Variants in TMC6 observed in about 807,000 individuals in gnomAD.
The protein encoded by TMC6 is transmembrane channel-like protein 6.
TMC6 carries 71 observed loss-of-function variants against 95.4 expected under a neutral mutation model. That is an observed-to-expected ratio of 0.74 (90% CI 0.61 to 0.91). TMC6 has a LOEUF of 0.91. Among genes scored for constraint, TMC6 ranks in the 40% least tolerant of loss-of-function variants. The probability of loss-of-function intolerance (pLI) is 0.00; values close to 1 mark genes in which losing one functional copy is unlikely to be tolerated. For missense variants in TMC6, 1,074 were observed against 1,079.1 expected, an observed-to-expected ratio of 1.00 and a Z score of 0.07; for synonymous variants, 514 against 483.1, an observed-to-expected ratio of 1.06 and a Z score of -0.84.
chr17:78,116,555 G>A (rs2074127241), intron 18 of TMC6, among the ~76,000 whole-genome samples: 1 of 152,012 alleles, frequency 6.6e-6, no homozygotes. Flanking sequence ...CTATAGGCAT[G>A]AGCCCCACCA....
chr17:78,131,389 C>A, upstream of TMC6: 3 of 694,352 alleles, frequency 4.3e-6, no homozygotes, highest in South Asian at 1.8e-5. Context: ...CCGGAGGTGG[C>A]AGAGCGGCAG....
Position 78,115,287 on chromosome 17 carries a change from C to T in TMC6, c.2278-1663G>A, listed in dbSNP as rs3794740. On this transcript the variant is annotated intron_variant, in intron 18 of 19. Transcript: ENST00000590602. The stretch of plus-strand genomic sequence containing the variant: ...CACTGGCTGCACCCCGCCCTGCCCT[C>T]GCCTTGGCAGACGCCAGCCGCTGAT... Among the ~76,000 whole-genome samples the T allele has an allele frequency of 3.7e-4, 56 of 152,332 alleles. No individual in the cohort carries two copies. The East Asian group carries it at 6.6e-3, about 18-fold the overall frequency.
rs2074462703 is a variant in TMC6, at chr17:78,122,464, C to T, written c.1227+141G>A. The T allele has an allele frequency of 2.3e-6, 3 of 1,303,598 alleles. No individual in the cohort carries two copies. Among genetic ancestry groups the T allele is most frequent in the Non-Finnish European group, 3.1e-6 (3 of 957,356 alleles). The allele number at this position is 1,303,598 out of a possible 1,614,324, so 80.8% of individuals were successfully genotyped here. On this transcript the variant is annotated intron_variant, in intron 10 of 19. Transcript: ENST00000590602. This position sits in a 1 kb window ranked among gnomAD's most constrained non-coding sequence, Gnocchi z 4.9. The stretch of plus-strand genomic sequence containing the variant: ...CCGTCACTGCAAGCAGAAGACCACG[C>T]CTGCCCAGCGCCCCGAGTTCAGCTC...
At chr17:78,117,188 G>A in intron 18 of TMC6, 81 bp downstream of exon 18, 1 of 1,470,008 alleles carries the variant, frequency 6.8e-7, no homozygotes, top group Non-Finnish European at 9.5e-7. Context: ...CACAGGAGAT[G>A]TACAGGGGAG....
At chr17:78,123,929 G>A (rs774344168) in intron 9 of TMC6, 60 bp downstream of exon 9, 47 of 1,595,280 alleles carry the variant, frequency 2.9e-5, no homozygotes, top group South Asian at 4.4e-5. Flanking sequence ...TGAATGGGTC[G>A]AAAGATGAAT....
intron 13 of TMC6, among the ~76,000 whole-genome samples, 177 bp from the exon 14 acceptor site, chr17:78,119,569 C>T (rs2074306241): frequency 6.6e-6 from 1 of 152,216 alleles, no homozygotes; most frequent in Non-Finnish European, 1.5e-5. Flanking sequence ...CTTGGTCACA[C>T]CAGCCTCATC....
Position 78,121,845 on chromosome 17 carries a change from A to ATGCCCCACCTGCCC in TMC6, c.1228-148_1228-135dup. The stretch of plus-strand genomic sequence containing the variant: ...AACCAGGACAGAGGGCCAGTTCCCC[A>ATGCCCCACCTGCCC]TGCCCCACCTGCCCTTTCATCTGCT... On this transcript the variant is annotated intron_variant, in intron 10 of 19. Coordinates refer to ENST00000590602, the MANE Select transcript of TMC6 (RefSeq NM_001127198.5). The surrounding 1 kb of genome is among the most constrained non-coding windows in gnomAD (Gnocchi z 5.6). The ATGCCCCACCTGCCC allele has an allele frequency of 8.5e-7, 1 of 1,180,622 alleles. No homozygotes were observed. Among genetic ancestry groups the ATGCCCCACCTGCCC allele is most frequent in the African/African-American group, 1.5e-5 (1 of 65,184 alleles). The allele number at this position is 1,180,622 out of a possible 1,614,324, so 73.1% of individuals were successfully genotyped here. A position where few individuals can be genotyped will look rare whatever the true frequency, so the allele number is the denominator to read the frequency against.
chr17:78,113,649 G>A, intron 18 of TMC6, 25 bp from the exon 19 acceptor site: 1 of 1,611,762 alleles, frequency 6.2e-7, no homozygotes, highest in African/African-American at 1.3e-5. Flanking sequence ...ACACAAAGGG[G>A]AGGAGAAATC....
chr17:78,123,963 C>A lies in TMC6; in HGVS notation c.1082+26G>T, dbSNP rs770994731. On this transcript the variant is annotated intron_variant, in intron 9 of 19. Transcript: ENST00000590602. ...ATGGATGGATGAGTGGAGCTCGGAG[C>A]CTGGGTCATGAGGTGGAGGCATTAC... 8.1e-6 allele frequency: 13 copies of A among 1,612,928 alleles called. 1 individual carries two copies. The South Asian group carries it at 1.2e-4, about 15-fold the overall frequency.
At chr17:78,124,381 A>G in intron 8 of TMC6, 143 bp downstream of exon 8, 2 of 1,398,488 alleles carry the variant, frequency 1.4e-6, no homozygotes, top group Non-Finnish European at 2.0e-6. Context: ...ATTGAGGGGG[A>G]GGCGGGGAGC....
chr17:78,126,621 G>A lies in TMC6; in HGVS notation c.84C>T (p.Ser28=), dbSNP rs769381609. The part of the protein sequence containing the change: ...QGQGPSPYDE[S]EVHDSFQQLI... ...GCTGCTGGAAGGAGTCGTGCACTTC[G>A]CTTTCATCATAGGGGCTGGGGCCCT... The change falls in exon 3 of 20, where the codon AGC becomes AGT. Residue 28 remains serine (S), a synonymous_variant. Transcript: ENST00000590602. 41 of 1,613,418 alleles carry A rather than the reference G, an allele frequency of 2.5e-5. No individual in the cohort carries two copies. The highest frequency in any genetic ancestry group is 1.5e-4 in the African/African-American group (11 of 74,922).
rs2074399763 is a variant in TMC6 at position 78,121,249 on chromosome 17, C to G, written c.1384-85G>C. 6.5e-7 allele frequency: 1 copy of G among 1,533,984 alleles called. No individual in the cohort carries two copies. Among genetic ancestry groups the G allele is most frequent in the Non-Finnish European group, 8.7e-7 (1 of 1,143,222 alleles). On this transcript the variant is annotated intron_variant, in intron 11 of 19. Transcript: ENST00000590602. The surrounding 1 kb of genome is among the most constrained non-coding windows in gnomAD (Gnocchi z 5.6). Reference sequence around the variant, plus strand: ...CTACAGGGAAGGGCCCGGGGTGGAACTGGCAGGTAGCACCTCCCTCCTCCA... The same window carrying G: ...CTACAGGGAAGGGCCCGGGGTGGAAGTGGCAGGTAGCACCTCCCTCCTCCA...
chr17:78,125,162 G>A lies in TMC6; in HGVS notation c.532C>T (p.Leu178=), dbSNP rs199607800. 29 of 1,564,028 alleles carry A rather than the reference G, an allele frequency of 1.9e-5. No homozygotes were observed. The highest frequency in any genetic ancestry group is 2.5e-5 in the Non-Finnish European group (29 of 1,154,342). Residue 178 remains leucine (L), a synonymous_variant, in exon 6 of 20, where the codon CTG becomes TTG. Coordinates refer to ENST00000590602, the MANE Select transcript of TMC6 (RefSeq NM_001127198.5). The part of the protein sequence containing the change: ...MPLSLAEKRS[L]REKSRTPRGK... ...GTCAGGGTCGGGGCTGCTCACCGCA[G>A]GCTGCGTTTCTCAGCCAGGCTTAAG...
At chr17:78,113,355 T>C in intron 19 of TMC6, 144 bp from the exon 20 acceptor site, 10 of 1,243,930 alleles carry the variant, frequency 8.0e-6, no homozygotes, top group Non-Finnish European at 1.0e-5. Flanking sequence ...CCTGTCAAAA[T>C]GGCCAGGCTC....
chr17:78,131,965 G>T, upstream of TMC6: 2 of 1,520,928 alleles, frequency 1.3e-6, no homozygotes, highest in Non-Finnish European at 8.8e-7. Flanking sequence ...AGGCGCCTGC[G>T]GGAGGCAGCG....
At chr17:78,116,168 G>A (rs1251723368) in intron 18 of TMC6, among the ~76,000 whole-genome samples, 3 of 151,982 alleles carry the variant, frequency 2.0e-5, no homozygotes, top group African/African-American at 7.3e-5. Flanking sequence ...GTAGAGACGG[G>A]GTTTTGCCAT....
rs770364934 is a variant in TMC6, at chr17:78,124,680, C to T, written c.735G>A (p.Val245=). ...TCTTGAGAAAGAGGAAGTAGGAGAG[C>T]ACGCTGGAGCCGAACTGGCCCCCGA... is the stretch of plus-strand genomic sequence containing the variant. ...KRIGGQFGSS[V]LSYFLFLKTL... The change falls in exon 8 of 20, where the codon GTG becomes GTA. Residue 245 remains valine, a synonymous_variant. Transcript: ENST00000590602. The T allele has an allele frequency of 1.2e-6, 2 of 1,606,964 alleles. No homozygotes were observed. The highest frequency in any genetic ancestry group is 1.7e-6 in the Non-Finnish European group (2 of 1,177,130).
rs2074712713 is a variant in TMC6 at position 78,126,297 on chromosome 17, C to T, written c.251G>A (p.Ser84Asn). The T allele has an allele frequency of 6.4e-7, 1 of 1,563,344 alleles. No homozygotes were observed. Among genetic ancestry groups the T allele is most frequent in the East Asian group, 2.4e-5 (1 of 42,152 alleles). ...CTCACCAATGGTGCGGCTGGGCATG[C>T]TGGCCAGGATGCGGAGTGTGGCCGT... ...QSTATLRILA[S>N]MPSRTIGRSR... The change falls in exon 4 of 20, where the codon AGC (serine) becomes AAC (asparagine). Residue 84 changes from serine to asparagine, a missense_variant. Ser to Asn is a conservative substitution (Grantham distance 46, BLOSUM62 1). Transcript: ENST00000590602.
At position 78,123,867 on chromosome 17, in the gene TMC6, G is replaced by C. The variant is rs889910429; in HGVS notation, c.1082+122C>G. ...TGGATAGTTGGATAGGTGAGTGGAT[G>C]AGAGCAGACAGGTAGATGGACAGAA... On this transcript the variant is annotated intron_variant, in intron 9 of 19. Coordinates refer to ENST00000590602, the MANE Select transcript of TMC6 (RefSeq NM_001127198.5). 7.6e-6 allele frequency: 10 copies of C among 1,317,004 alleles called. No homozygotes were observed. The African/African-American group carries it at 1.3e-4, about 17-fold the overall frequency. The allele number at this position is 1,317,004 out of a possible 1,614,324, so 81.6% of individuals were successfully genotyped here.
Sources: gnomAD v4.1 joint callset for allele counts (sites outside exome capture counted in the v4.1 genomes callset) on GRCh38, gnomAD v4.1.1 for gene constraint, Gnocchi (gnomAD v3.1) non-coding constraint, MANE v1.5 for transcripts, NCBI Gene and HGNC (gene_info 2026-07-23, HGNC 2026-07-21) for gene names.